The following FANCL variants were observed in gnomAD, a reference collection of about 807,000 sequenced individuals.
FANCL encodes E3 ubiquitin-protein ligase FANCL.
In FANCL, 69 loss-of-function variants were observed where a neutral mutation model predicts 59.4. The observed-to-expected ratio is 1.16, with a 90% confidence interval of 0.96 to 1.42. The LOEUF (loss-of-function observed/expected upper bound fraction) is 1.42, where lower values mean the gene tolerates loss of function less well. FANCL is among the 40% of genes most tolerant of loss of function. The probability of loss-of-function intolerance (pLI) is 0.00; values close to 1 mark genes in which losing one functional copy is unlikely to be tolerated. For synonymous variants in FANCL, 180 were observed against 147.1 expected (o/e 1.22, Z -1.62); for missense variants, 519 against 447.2 (o/e 1.16, Z -1.45).
intron 6 of FANCL, among the ~76,000 whole-genome samples, chr2:58,200,878 G>T (rs1689939830): frequency 6.7e-6 from 1 of 149,678 alleles, no homozygotes; most frequent in Admixed American, 6.6e-5. Context: ...TAATAAATTA[G>T]ACTGATCTTT....
chr2:58,184,339 G>A (rs1224584247), intron 7 of FANCL, among the ~76,000 whole-genome samples: 4 of 151,862 alleles, frequency 2.6e-5, no homozygotes, highest in Non-Finnish European at 4.4e-5. Context: ...GTATTTAAAG[G>A]AGAAGTAAAA....
chr2:58,188,969 T>A lies in FANCL; in HGVS notation c.540+9625A>T, dbSNP rs141488669. On this transcript the variant is annotated intron_variant, in intron 7 of 13. Transcript: ENST00000233741. The stretch of plus-strand genomic sequence containing the variant: ...TTACATGCTACAACATGGTTGAATC[T>A]CCAAGTAATTCTGCCAAGGAAAAAA... Among the ~76,000 whole-genome samples the A allele has an allele frequency of 1.4e-4, 21 of 152,228 alleles. 1 individual carries two copies. In the East Asian group the frequency reaches 3.9e-3, roughly 28 times the overall value.
chr2:58,223,309 T>G (rs981240717), intron 4 of FANCL, among the ~76,000 whole-genome samples: 1 of 151,954 alleles, frequency 6.6e-6, no homozygotes, highest in Admixed American at 6.5e-5. Context: ...AAATTCGTAT[T>G]TAGGTTGTGC....
At chr2:58,217,203 T>TAC (rs1691900590) in intron 5 of FANCL, among the ~76,000 whole-genome samples, 1 of 8,730 alleles carries the variant, frequency 1.1e-4, no homozygotes, top group Non-Finnish European at 2.4e-4. Flanking sequence ...TATATATATA[T>TAC]ATATATATAT....
At chr2:58,159,842 CTAAAAAA>C (rs1249114531) in intron 13 of FANCL, 42 bp from the exon 14 acceptor site, 2 of 1,607,928 alleles carry the variant, frequency 1.2e-6, no homozygotes, top group Non-Finnish European at 8.5e-7. Flanking sequence ...TGTGGACACT[CTAAAAAA>C]TAAAATTGCT....
At chr2:58,225,597 A>G (rs976682116) in intron 4 of FANCL, among the ~76,000 whole-genome samples, 3 of 152,018 alleles carry the variant, frequency 2.0e-5, no homozygotes, top group African/African-American at 7.2e-5. Context: ...GAACCATCAG[A>G]TACCACGTGG....
At chr2:58,164,582 C>T (rs1166526384) in intron 8 of FANCL, among the ~76,000 whole-genome samples, 2 of 151,550 alleles carry the variant, frequency 1.3e-5, no homozygotes, top group East Asian at 1.9e-4. Context: ...GCAAATCATG[C>T]CTGGAGGAGA....
intron 5 of FANCL, among the ~76,000 whole-genome samples, chr2:58,221,261 T>C (rs1156341185): frequency 6.6e-6 from 1 of 151,964 alleles, no homozygotes; most frequent in Non-Finnish European, 1.5e-5. Context: ...AGAAAGGTTA[T>C]AATACACTTA....
chr2:58,166,702 G>A (rs1260762403), intron 7 of FANCL, among the ~76,000 whole-genome samples: 1 of 152,148 alleles, frequency 6.6e-6, no homozygotes, highest in Non-Finnish European at 1.5e-5. Flanking sequence ...TACTACAAAC[G>A]TTTTCAATCT....
chr2:58,210,811 C>T (rs1691066719), intron 5 of FANCL, among the ~76,000 whole-genome samples: 2 of 152,342 alleles, frequency 1.3e-5, no homozygotes, highest in East Asian at 1.9e-4. Context: ...AATCTTAAAG[C>T]TCCAAAATGA....
At chr2:58,170,624 T>A (rs1686485610) in intron 7 of FANCL, among the ~76,000 whole-genome samples, 2 of 150,472 alleles carry the variant, frequency 1.3e-5, no homozygotes, top group African/African-American at 4.9e-5. Context: ...AGGAGATCCA[T>A]CTCACGTGCA....
intron 2 of FANCL, among the ~76,000 whole-genome samples, chr2:58,230,588 T>C (rs1437585929): frequency 6.6e-6 from 1 of 152,244 alleles, no homozygotes; most frequent in Non-Finnish European, 1.5e-5. Context: ...GAATTACTTT[T>C]AGTTACCTAC....
At chr2:58,226,411 A>G (rs897854849) in intron 4 of FANCL, among the ~76,000 whole-genome samples, 10 of 152,168 alleles carry the variant, frequency 6.6e-5, no homozygotes, top group Non-Finnish European at 1.5e-4. Flanking sequence ...TTTAAGTAGG[A>G]CTACCTAATC....
intron 7 of FANCL, among the ~76,000 whole-genome samples, chr2:58,177,046 G>C (rs1687400565): frequency 6.6e-6 from 1 of 152,136 alleles, no homozygotes; most frequent in Non-Finnish European, 1.5e-5. Flanking sequence ...ATCATCACTG[G>C]CCATCAGAGA....
chr2:58,176,611 C>T (rs1573583835), intron 7 of FANCL, among the ~76,000 whole-genome samples: 1 of 152,144 alleles, frequency 6.6e-6, no homozygotes, highest in African/African-American at 2.4e-5. Context: ...CTTCCTTACA[C>T]CTTATACAAA....
In FANCL at chr2:58,162,885, C is replaced by G. The variant is rs375526911; in HGVS notation, c.884G>C (p.Arg295Pro). The change falls in exon 11 of 14, where the codon CGT becomes CCT. Residue 295 changes from arginine (R) to proline (P), a missense_variant. By Grantham distance (103) the Arg-to-Pro change is moderately radical. Coordinates refer to ENST00000233741, the MANE Select transcript of FANCL (RefSeq NM_018062.4). ...ACTTACAGATTTTTCCAGGATAGCA[C>G]GAGCTGGAAAATCAATTTCTAAAAC... ...KDVLEIDFPA[R>P]AILEKSDFTM... is the part of the protein sequence containing the mutation. 1 of 1,612,180 alleles carries G rather than the reference C, an allele frequency of 6.2e-7. No homozygotes were observed. Among genetic ancestry groups the G allele is most frequent in the Admixed American group, 1.7e-5 (1 of 59,912 alleles).
intron 5 of FANCL, among the ~76,000 whole-genome samples, chr2:58,208,427 G>T (rs931688606): frequency 6.6e-5 from 10 of 152,062 alleles, no homozygotes; most frequent in Non-Finnish European, 8.8e-5. Flanking sequence ...TAAAATGTTT[G>T]TTAATAATAA....
At chr2:58,180,986 C>T (rs957813243) in intron 7 of FANCL, among the ~76,000 whole-genome samples, 14 of 152,080 alleles carry the variant, frequency 9.2e-5, no homozygotes, top group African/African-American at 3.1e-4. Context: ...AATGGCACAA[C>T]TGTTTTGAAA....
At chr2:58,220,020 T>C (rs183318422) in intron 5 of FANCL, among the ~76,000 whole-genome samples, 4 of 151,870 alleles carry the variant, frequency 2.6e-5, no homozygotes, top group Admixed American at 6.6e-5. Context: ...CAAAATAAAG[T>C]AGCTCGGTTC....
Sources: gnomAD v4.1 joint callset for allele counts (sites outside exome capture counted in the v4.1 genomes callset) on GRCh38, gnomAD v4.1.1 for gene constraint, MANE v1.5 for transcripts, NCBI Gene and HGNC (gene_info 2026-07-23, HGNC 2026-07-21) for gene names.